Variants in PLEKHA5 observed in about 807,000 individuals in gnomAD.
The protein encoded by PLEKHA5 is pleckstrin homology domain-containing family A member 5.
PLEKHA5 carries 55 observed loss-of-function variants against 181.9 expected under a neutral mutation model. The observed-to-expected ratio is 0.30, with a 90% CI of 0.24 to 0.38. PLEKHA5 has a LOEUF of 0.38. Among genes scored for constraint, PLEKHA5 ranks in the 10% least tolerant of loss-of-function variants. PLEKHA5 has a pLI of 1.00. For synonymous variants in PLEKHA5, 535 were observed against 529.4 expected (o/e 1.01, Z -0.15); for missense variants, 1,432 against 1,549.5 (o/e 0.92, Z 1.27).
chr12:19,290,642 TC>T, intron 13 of PLEKHA5, 34 bp from the exon 14 acceptor site: 2 of 1,506,232 alleles, frequency 1.3e-6, no homozygotes, highest in Non-Finnish European at 1.8e-6. Context: ...TAATCTGTTT[TC>T]CACTGTTTGG....
At chr12:19,239,017 T>C (rs1431420126) in intron 3 of PLEKHA5, among the ~76,000 whole-genome samples, 1 of 152,162 alleles carries the variant, frequency 6.6e-6, no homozygotes, top group Non-Finnish European at 1.5e-5. Context: ...AAGTTTAGCC[T>C]AGTAAACTCA....
intron 3 of PLEKHA5, among the ~76,000 whole-genome samples, chr12:19,223,124 C>T (rs996452951): frequency 4.6e-5 from 7 of 151,718 alleles, no homozygotes; most frequent in Non-Finnish European, 7.4e-5. Flanking sequence ...GAGTGCCTCC[C>T]GCTACAACCC....
At chr12:19,322,172 T>A in intron 18 of PLEKHA5, 138 bp from the exon 19 acceptor site, 1 of 607,468 alleles carries the variant, frequency 1.6e-6, no homozygotes, top group African/African-American at 1.8e-5. Flanking sequence ...TGCCTATTTT[T>A]TAAGGATTCT....
At chr12:19,369,565 A>C (rs1412221710) in intron 30 of PLEKHA5, 128 bp from the exon 31 acceptor site, 8 of 547,432 alleles carry the variant, frequency 1.5e-5, no homozygotes, top group Non-Finnish European at 2.6e-5. Context: ...TCACAATAGA[A>C]CCAAATGTAT....
chr12:19,287,434 A>AG (rs758926023), intron 12 of PLEKHA5, 39 bp from the exon 13 acceptor site: 20 of 1,261,994 alleles, frequency 1.6e-5, no homozygotes, highest in Middle Eastern at 1.9e-4. Context: ...GAAAAAAAAA[A>AG]CTTTACCACA....
chr12:19,287,568 C>A lies in PLEKHA5; in HGVS notation c.1863+12C>A, dbSNP rs768352674. On this transcript the variant is annotated intron_variant, in intron 13 of 31. Transcript: ENST00000429027. The stretch of plus-strand genomic sequence containing the variant: ...TCCAAGGGAAAACGGTGAGTAATAT[C>A]TTTATTTACCATACCATGTTTTATT... 5.8e-6 allele frequency: 8 copies of A among 1,371,202 alleles called. No individual in the cohort carries two copies. The Admixed American group carries it at 1.4e-4, about 24-fold the overall frequency. The allele number at this position is 1,371,202 out of a possible 1,614,324, so 84.9% of individuals were successfully genotyped here.
chr12:19,240,508 A>G (rs907530089), intron 3 of PLEKHA5, among the ~76,000 whole-genome samples: 1 of 149,292 alleles, frequency 6.7e-6, no homozygotes, highest in Non-Finnish European at 1.5e-5. Context: ...TGGCACCATC[A>G]TAGCTCACTG....
chr12:19,184,067 G>A (rs1433699428), intron 3 of PLEKHA5, among the ~76,000 whole-genome samples: 1 of 152,108 alleles, frequency 6.6e-6, no homozygotes, highest in Non-Finnish European at 1.5e-5. Flanking sequence ...TGGTGCCTAT[G>A]GATGGACTGT....
At position 19,129,826 on chromosome 12, in the gene PLEKHA5, G is replaced by T. The variant is rs2032800538; in HGVS notation, c.27G>T (p.Trp9Cys). The change falls in exon 1 of 32, where the codon TGG (tryptophan) becomes TGT (cysteine). Residue 9 changes from tryptophan (W) to cysteine (C), a missense_variant. This residue lies in a region of PLEKHA5 where 289 missense variants were observed against 381.1 expected (regional missense o/e 0.76). Coordinates refer to ENST00000429027, the MANE Select transcript of PLEKHA5 (RefSeq NM_001256470.2). The stretch of plus-strand genomic sequence containing the variant: ...TGGCGGCGGATCTGAACCTGGAGTG[G>T]ATCTCCCTGCCCCGGTCCTGGACTT... MAADLNLE[W>C]ISLPRSWTYG... The T allele has an allele frequency of 6.2e-7, 1 of 1,604,386 alleles. No individual in the cohort carries two copies. The highest frequency in any genetic ancestry group is 8.5e-7 in the Non-Finnish European group (1 of 1,175,966).
At chr12:19,141,189 T>G (rs376758409) in intron 3 of PLEKHA5, among the ~76,000 whole-genome samples, 29 of 152,266 alleles carry the variant, frequency 1.9e-4, no homozygotes, top group African/African-American at 6.7e-4. Flanking sequence ...ACAGAAAGCT[T>G]CTCTTTAACC....
chr12:19,346,344 CTT>C (rs2094331113), intron 23 of PLEKHA5, among the ~76,000 whole-genome samples: 1 of 151,290 alleles, frequency 6.6e-6, no homozygotes, highest in African/African-American at 2.4e-5. Context: ...TTTTTCCTCT[CTT>C]AAAAATTGGG....
chr12:19,159,171 G>T (rs2042415589), intron 3 of PLEKHA5, among the ~76,000 whole-genome samples: 1 of 152,122 alleles, frequency 6.6e-6, no homozygotes, highest in African/African-American at 2.4e-5. Flanking sequence ...GAAGTAGTTA[G>T]CCCAGTCTCA....
intron 3 of PLEKHA5, among the ~76,000 whole-genome samples, chr12:19,226,460 G>A (rs897962090): frequency 1.4e-4 from 21 of 152,112 alleles, no homozygotes; most frequent in African/African-American, 5.1e-4. Context: ...ATATACCTGG[G>A]AGTTGAATTG....
chr12:19,344,543 A>C (rs2094178280), intron 22 of PLEKHA5, among the ~76,000 whole-genome samples: 1 of 152,240 alleles, frequency 6.6e-6, no homozygotes, highest in South Asian at 2.1e-4. Flanking sequence ...AAGCCATGCC[A>C]TAGTGAACAT....
intron 26 of PLEKHA5, among the ~76,000 whole-genome samples, chr12:19,357,254 C>CTTTTTTTTT (rs5796799): frequency 4.2e-5 from 4 of 96,124 alleles, no homozygotes; most frequent in Non-Finnish European, 6.8e-5. Context: ...TCTTTATATT[C>CTTTTTTTTT]TTTTTTTTTT....
intron 15 of PLEKHA5, among the ~76,000 whole-genome samples, chr12:19,313,523 A>G (rs75009806): frequency 0.068 from 10,288 of 152,244 alleles, 379 homozygotes; most frequent in South Asian, 0.12. Flanking sequence ...GTATGTTTTG[A>G]TTGTTACATA....
chr12:19,200,282 A>AT, intron 3 of PLEKHA5: 4 of 1,430,706 alleles, frequency 2.8e-6, no homozygotes, highest in Non-Finnish European at 3.8e-6. Context: ...ATAAAAAAAA[A>AT]TTTAAACATT....
At chr12:19,315,166 G>A (rs1458810781) in intron 16 of PLEKHA5, among the ~76,000 whole-genome samples, 3 of 151,986 alleles carry the variant, frequency 2.0e-5, no homozygotes, top group Admixed American at 2.0e-4. Context: ...GTACTTGGAG[G>A]TCTGCAGTAC....
chr12:19,363,648 T>C (rs377168417), intron 29 of PLEKHA5, among the ~76,000 whole-genome samples: 9 of 151,798 alleles, frequency 5.9e-5, no homozygotes, highest in Admixed American at 6.6e-5. Context: ...TGTGCCACCA[T>C]GCCCAGCTAA....
Sources: allele counts gnomAD v4.1 joint callset (sites outside exome capture counted in the v4.1 genomes callset), GRCh38; gene constraint gnomAD v4.1.1; regional missense constraint gnomAD v4.1.1; transcripts MANE v1.5; gene names NCBI Gene and HGNC (gene_info 2026-07-23, HGNC 2026-07-21).